The following GALNT2 variants were observed in gnomAD, a reference collection of about 807,000 sequenced individuals.
GALNT2 encodes the protein polypeptide N-acetylgalactosaminyltransferase 2, also known as UDP-GalNAc:polypeptide N-acetylgalactosaminyltransferase 2.
GALNT2 carries 31 observed loss-of-function variants against 81.4 expected under a neutral mutation model. The ratio of observed to expected loss-of-function variants is 0.38; its 90% CI spans 0.29 to 0.51. The LOEUF (loss-of-function observed/expected upper bound fraction) is 0.51, where lower values mean the gene tolerates loss of function less well. Ranked by LOEUF, GALNT2 falls within the 20% of genes least tolerant of loss-of-function variation. The probability of loss-of-function intolerance (pLI) is 0.87; values close to 1 mark genes in which losing one functional copy is unlikely to be tolerated. For missense variants in GALNT2, 629 were observed against 765.7 expected, an observed-to-expected ratio of 0.82 and a Z score of 2.11; for synonymous variants, 303 against 287.4, an observed-to-expected ratio of 1.05 and a Z score of -0.55.
intron 3 of GALNT2, among the ~76,000 whole-genome samples, chr1:230,219,184 A>C (rs2102720667): frequency 6.6e-6 from 1 of 152,288 alleles, no homozygotes; most frequent in Non-Finnish European, 1.5e-5. Context: ...ATGATGATTG[A>C]ATTTCCTCTG....
chr1:230,123,721 A>C (rs569641340), intron 1 of GALNT2, among the ~76,000 whole-genome samples: 2 of 152,190 alleles, frequency 1.3e-5, no homozygotes, highest in Non-Finnish European at 2.9e-5. Flanking sequence ...TTTATTTAGA[A>C]GGCAACAGGT....
At position 230,279,493 on chromosome 1, in the gene GALNT2, C is replaced by G. The variant is rs751468011; in HGVS notation, c.*35C>G. 40 of 1,602,904 alleles carry G rather than the reference C, an allele frequency of 2.5e-5. No individual in the cohort carries two copies. Among genetic ancestry groups the G allele is most frequent in the Middle Eastern group, 3.5e-4 (2 of 5,788 alleles). On this transcript the variant is annotated 3_prime_UTR_variant, in exon 16 of 16. Transcript: ENST00000366672. The surrounding 1 kb of genome is among the most constrained non-coding windows in gnomAD (Gnocchi z 4.6). ...GGAGGCCCTGCCGTCCTGTCTCCTG[C>G]ACCATTGGGTGGAGTCTGGTGATCA...
chr1:230,104,853 C>A (rs1660493193), intron 1 of GALNT2, among the ~76,000 whole-genome samples: 1 of 152,214 alleles, frequency 6.6e-6, no homozygotes, highest in Admixed American at 6.5e-5. Flanking sequence ...CAGGCTGAGT[C>A]ACAGCTGACT....
At chr1:230,210,483 G>A (rs1157861406) in intron 3 of GALNT2, among the ~76,000 whole-genome samples, 1 of 152,160 alleles carries the variant, frequency 6.6e-6, no homozygotes, top group Non-Finnish European at 1.5e-5. Context: ...GTGGGGTTTT[G>A]AAACATTTTT....
At chr1:230,207,779 C>A (rs1664111032) in intron 3 of GALNT2, among the ~76,000 whole-genome samples, 1 of 152,142 alleles carries the variant, frequency 6.6e-6, no homozygotes, top group Non-Finnish European at 1.5e-5. Flanking sequence ...TGGGGTCTTA[C>A]TGTGTTGCCC....
Position 230,254,192 on chromosome 1 carries a change from T to A in GALNT2, c.1010-1026T>A, listed in dbSNP as rs186683066. ...GACCCCTGACTCAGACTCCAGTCACTCACCTAGTCAGTGGTGATAAGGGCA... is the reference window on the plus strand; with the variant it reads ...GACCCCTGACTCAGACTCCAGTCACACACCTAGTCAGTGGTGATAAGGGCA... On this transcript the variant is annotated intron_variant, in intron 10 of 15. Transcript: ENST00000366672. Among the ~76,000 whole-genome samples the A allele has an allele frequency of 5.7e-4, 87 of 152,308 alleles. No homozygotes were observed. In the Middle Eastern group the frequency reaches 0.02, roughly 36 times the overall value.
chr1:230,227,956 A>G (rs1664764039), intron 3 of GALNT2, among the ~76,000 whole-genome samples: 1 of 152,244 alleles, frequency 6.6e-6, no homozygotes, highest in Admixed American at 6.5e-5. Context: ...TGATTTGTGG[A>G]AAATCTAAGA....
chr1:230,198,577 A>T (rs964874616), intron 2 of GALNT2, among the ~76,000 whole-genome samples: 4 of 152,104 alleles, frequency 2.6e-5, no homozygotes, highest in African/African-American at 7.2e-5. Flanking sequence ...ATGGCCATGC[A>T]TGTGTGGAGC....
At chr1:230,151,832 G>A (rs1210007458) in intron 1 of GALNT2, among the ~76,000 whole-genome samples, 1 of 152,254 alleles carries the variant, frequency 6.6e-6, no homozygotes, top group Non-Finnish European at 1.5e-5. Context: ...AGACAGAGCA[G>A]CCTCGAGAGC....
chr1:230,114,429 T>C (rs1660785994), intron 1 of GALNT2, among the ~76,000 whole-genome samples: 1 of 152,240 alleles, frequency 6.6e-6, no homozygotes, highest in Admixed American at 6.5e-5. Context: ...ACTTGAGGTT[T>C]GTAAATGGGC....
At chr1:230,224,524 G>A (rs1418550114) in intron 3 of GALNT2, among the ~76,000 whole-genome samples, 4 of 152,180 alleles carry the variant, frequency 2.6e-5, no homozygotes, top group Admixed American at 2.6e-4. Flanking sequence ...TAAAACTGGA[G>A]GCACTAAAGG....
chr1:230,093,746 A>G (rs1660162224), intron 1 of GALNT2, among the ~76,000 whole-genome samples: 1 of 152,242 alleles, frequency 6.6e-6, no homozygotes, highest in Non-Finnish European at 1.5e-5. Flanking sequence ...TAGATACACA[A>G]ATACTATTAT....
upstream of GALNT2, among the ~76,000 whole-genome samples, chr1:230,062,338 C>G (rs1659069419): frequency 6.6e-6 from 1 of 152,146 alleles, no homozygotes; most frequent in South Asian, 2.1e-4. Flanking sequence ...TTTCTCCCAA[C>G]TTGTCATTTG....
rs116098525 is a variant in GALNT2, at chr1:230,272,770, C to T, written c.1441-1675C>T. Among the ~76,000 whole-genome samples, 12 of 152,090 alleles carry T rather than the reference C, an allele frequency of 7.9e-5. No individual in the cohort carries two copies. In the South Asian group the frequency reaches 1.2e-3, roughly 16 times the overall value. On this transcript the variant is annotated intron_variant, in intron 14 of 15. Coordinates refer to ENST00000366672, the MANE Select transcript of GALNT2 (RefSeq NM_004481.5). ...TGGTTTGGTTTGGTTTGGTTCGGTT[C>T]GGTTCAGTTCGGTTTGGAGACAGGG...
At chr1:230,097,857 G>A (rs1301022021) in intron 1 of GALNT2, among the ~76,000 whole-genome samples, 1 of 152,154 alleles carries the variant, frequency 6.6e-6, no homozygotes, top group African/African-American at 2.4e-5. Context: ...GGCAATTTGG[G>A]ACAACTTACA....
At chr1:230,267,180 G>A (rs9432145) in intron 14 of GALNT2, among the ~76,000 whole-genome samples, 137,237 of 152,320 alleles carry the variant, frequency 0.9, 62,053 homozygotes, top group East Asian at 1. Context: ...TCTCTGTTTC[G>A]TGTACATGAC....
chr1:230,159,771 C>T lies in GALNT2; in HGVS notation c.127-18447C>T, dbSNP rs183561762. Among the ~76,000 whole-genome samples, 4 of 152,368 alleles carry T rather than the reference C, an allele frequency of 2.6e-5. No individual in the cohort carries two copies. In the East Asian group the frequency reaches 7.7e-4, roughly 29 times the overall value. On this transcript the variant is annotated intron_variant, in intron 1 of 15. Coordinates refer to ENST00000366672, the MANE Select transcript of GALNT2 (RefSeq NM_004481.5). Reference sequence around the variant, plus strand: ...AGAAGATACCTTGTCTACCTCCCCCCACCTGCAGGCTGGCTGGCTTTGGGT... The same window carrying T: ...AGAAGATACCTTGTCTACCTCCCCCTACCTGCAGGCTGGCTGGCTTTGGGT...
chr1:230,263,095 C>A, intron 13 of GALNT2, 90 bp downstream of exon 13: 1 of 1,099,228 alleles, frequency 9.1e-7, no homozygotes, highest in Non-Finnish European at 1.4e-6. Context: ...GGAGGTGGGG[C>A]TGCAGGCATG....
chr1:230,264,375 C>G (rs16851275), intron 13 of GALNT2: 22,203 of 152,202 alleles, frequency 0.15, 1,799 homozygotes, highest in African/African-American at 0.21. Context: ...CCCAACCATG[C>G]CACTCACTTT....
Sources: allele counts gnomAD v4.1 joint callset (sites outside exome capture counted in the v4.1 genomes callset), GRCh38; gene constraint gnomAD v4.1.1; non-coding constraint Gnocchi (gnomAD v3.1); transcripts MANE v1.5; gene names NCBI Gene and HGNC (gene_info 2026-07-23, HGNC 2026-07-21).